Variants in PCDHGA9 observed in about 807,000 individuals in gnomAD.
PCDHGA9 encodes the protein protocadherin gamma-A9.
PCDHGA9 carries 37 observed loss-of-function variants against 62.5 expected under a neutral mutation model. The ratio of observed to expected loss-of-function variants is 0.59; its 90% confidence interval spans 0.46 to 0.78. The LOEUF is 0.78. Among genes scored for constraint, PCDHGA9 ranks in the 30% least tolerant of loss-of-function variants. The pLI is 0.00. For synonymous variants in PCDHGA9, 459 were observed against 484.6 expected, an observed-to-expected ratio of 0.95 and a Z score of 0.69; for missense variants, 1,138 against 1,166.2, an observed-to-expected ratio of 0.98 and a Z score of 0.35.
At chr5:141,410,063 C>CTGCGCACTGGGGAGG (rs2095353294) in intron 1 of PCDHGA9, 2 of 1,612,972 alleles carry the variant, frequency 1.2e-6, no homozygotes, top group Non-Finnish European at 1.7e-6. Context: ...CAGCCTGGGG[C>CTGCGCACTGGGGAGG]TGCGCACTGG....
chr5:141,418,647 G>C, intron 1 of PCDHGA9: 1 of 1,614,034 alleles, frequency 6.2e-7, no homozygotes, highest in Non-Finnish European at 8.5e-7. Flanking sequence ...TCCATCCTGA[G>C]AGTGAAGGCC....
chr5:141,423,865 T>G, intron 1 of PCDHGA9: 1 of 1,285,992 alleles, frequency 7.8e-7, no homozygotes, highest in Non-Finnish European at 9.9e-7. Flanking sequence ...TTTGTGAAAG[T>G]CATTTTTCAA....
chr5:141,468,681 A>G (rs1415798588), intron 1 of PCDHGA9: 1 of 151,830 alleles, frequency 6.6e-6, no homozygotes, highest in African/African-American at 2.4e-5. Flanking sequence ...CCTGGCTAAC[A>G]CGGTGAAACC....
intron 3 of PCDHGA9, among the ~76,000 whole-genome samples, chr5:141,509,841 C>T (rs546036990): frequency 2.0e-5 from 3 of 152,326 alleles, no homozygotes; most frequent in African/African-American, 7.2e-5. Context: ...ACCTCCCATT[C>T]ACTCAGAACA....
At chr5:141,473,369 G>A (rs888984972) in intron 1 of PCDHGA9, among the ~76,000 whole-genome samples, 1 of 152,200 alleles carries the variant, frequency 6.6e-6, no homozygotes, top group African/African-American at 2.4e-5. Context: ...CACCAAAATA[G>A]CATGGTCCCT....
At chr5:141,419,722 G>A (rs1194093167) in intron 1 of PCDHGA9, 2 of 1,613,306 alleles carry the variant, frequency 1.2e-6, no homozygotes, top group Admixed American at 1.7e-5. Context: ...GCCTGGGGCT[G>A]CGAACAGGCG....
chr5:141,444,565 C>G (rs2098441175), intron 1 of PCDHGA9, among the ~76,000 whole-genome samples: 1 of 152,124 alleles, frequency 6.6e-6, no homozygotes, highest in Non-Finnish European at 1.5e-5. Flanking sequence ...TTATTTGACA[C>G]TTTTGACTCT....
rs772043134 is a variant in PCDHGA9, at chr5:141,432,746, G to A, written c.2424+27370G>A. 1.2e-6 allele frequency: 2 copies of A among 1,614,098 alleles called. No homozygotes were observed. Among genetic ancestry groups the A allele is most frequent in the East Asian group, 4.5e-5 (2 of 44,860 alleles). On this transcript the variant is annotated intron_variant, in intron 1 of 3. Coordinates refer to ENST00000573521, the MANE Select transcript of PCDHGA9 (RefSeq NM_018921.3). The surrounding 1 kb of genome is among the most constrained non-coding windows in gnomAD (Gnocchi z 6.0). ...CTCCGCCACTGTCACGCTCACCGTGGCCGTGGCCGACAGCATCCCCCAAGT... is the reference window on the plus strand; with the variant it reads ...CTCCGCCACTGTCACGCTCACCGTGACCGTGGCCGACAGCATCCCCCAAGT...
intron 1 of PCDHGA9, chr5:141,408,969 C>T (rs1005367761): frequency 3.7e-6 from 6 of 1,613,594 alleles, no homozygotes; most frequent in Non-Finnish European, 5.1e-6. Context: ...GAAAATCTGC[C>T]CCCTGGGTCC....
chr5:141,439,354 C>G (rs746525653), intron 1 of PCDHGA9, among the ~76,000 whole-genome samples: 7 of 152,186 alleles, frequency 4.6e-5, no homozygotes, highest in Admixed American at 4.6e-4. Context: ...TACAAATACT[C>G]AAACATCAAG....
chr5:141,486,489 G>T lies in PCDHGA9; in HGVS notation c.2425-8318G>T. 2 of 1,614,060 alleles carry T rather than the reference G, an allele frequency of 1.2e-6. No homozygotes were observed. The highest frequency in any genetic ancestry group is 1.7e-6 in the Non-Finnish European group (2 of 1,179,892). ...GGGAACCCTCCTCTCAGTACCCACA[G>T]AACTATTTTCCTCAATATTTCAGAT... On this transcript the variant is annotated intron_variant, in intron 1 of 3. Coordinates refer to ENST00000573521, the MANE Select transcript of PCDHGA9 (RefSeq NM_018921.3). The surrounding 1 kb of genome is among the most constrained non-coding windows in gnomAD (Gnocchi z 5.0).
intron 3 of PCDHGA9, among the ~76,000 whole-genome samples, chr5:141,507,582 T>G (rs1221383898): frequency 6.6e-6 from 1 of 152,264 alleles, no homozygotes; most frequent in Non-Finnish European, 1.5e-5. Flanking sequence ...AGATGCCAAG[T>G]TGGCCTCTTG....
chr5:141,430,953 G>A (rs2097330054), intron 1 of PCDHGA9: 1 of 1,611,124 alleles, frequency 6.2e-7, no homozygotes, highest in African/African-American at 1.3e-5. Context: ...CGCGGAGTCC[G>A]CATCATCCCC....
intron 1 of PCDHGA9, among the ~76,000 whole-genome samples, chr5:141,457,920 C>T (rs1340816332): frequency 6.6e-6 from 1 of 150,868 alleles, no homozygotes; most frequent in Non-Finnish European, 1.5e-5. Flanking sequence ...GCCAGTTCTC[C>T]CCAAGGGGCT....
At chr5:141,492,834 G>T (rs544218873) in intron 1 of PCDHGA9, among the ~76,000 whole-genome samples, 36 of 152,332 alleles carry the variant, frequency 2.4e-4, no homozygotes, top group Non-Finnish European at 4.1e-4. Flanking sequence ...CCTTCCTCCC[G>T]CAGGAAGTGA....
chr5:141,469,410 A>G (rs2099200490), intron 1 of PCDHGA9, among the ~76,000 whole-genome samples: 1 of 152,128 alleles, frequency 6.6e-6, no homozygotes, highest in Non-Finnish European at 1.5e-5. Context: ...CCCCGTTTCT[A>G]CTAAAAATAT....
intron 1 of PCDHGA9, chr5:141,418,211 C>T (rs752988020): frequency 1.2e-6 from 2 of 1,613,916 alleles, no homozygotes; most frequent in East Asian, 4.5e-5. Context: ...AAATATTTTT[C>T]ATGTCATTGT....
chr5:141,421,532 C>T lies in PCDHGA9; in HGVS notation c.2424+16156C>T, dbSNP rs557991200. On this transcript the variant is annotated intron_variant, in intron 1 of 3. Transcript: ENST00000573521. ...GAGGAGCTCTGTGAGACGGTGTCCT[C>T]CTGTTTTTTAAATATGGAACTTCTC... The T allele has an allele frequency of 1.4e-5, 23 of 1,613,996 alleles. No individual in the cohort carries two copies. In the African/African-American group the frequency reaches 2.4e-4, roughly 17 times the overall value.
At chr5:141,509,887 T>C (rs138950510) in intron 3 of PCDHGA9, among the ~76,000 whole-genome samples, 1 of 152,314 alleles carries the variant, frequency 6.6e-6, no homozygotes, top group East Asian at 1.9e-4. Flanking sequence ...TGATGGTGAC[T>C]GACTGTCCCT....
Sources: allele counts gnomAD v4.1 joint callset (sites outside exome capture counted in the v4.1 genomes callset), GRCh38; gene constraint gnomAD v4.1.1; non-coding constraint Gnocchi (gnomAD v3.1); transcripts MANE v1.5; gene names NCBI Gene and HGNC (gene_info 2026-07-23, HGNC 2026-07-21).